NOL4: variants seen among roughly 807,000 people sequenced by gnomAD.
NOL4 encodes the protein cancer/testis antigen 125.
Under a neutral mutation model 75.9 loss-of-function variants are expected in NOL4, and 17 were observed. That is an observed-to-expected ratio of 0.22 (90% confidence interval 0.15 to 0.34). The LOEUF is 0.34. NOL4 is among the 10% of genes least tolerant of loss of function. The pLI, the probability that NOL4 is intolerant of heterozygous loss-of-function variation, is 1.00. For synonymous variants in NOL4, 292 were observed against 289.9 expected, an observed-to-expected ratio of 1.01 and a Z score of -0.07; for missense variants, 614 against 793.5, an observed-to-expected ratio of 0.77 and a Z score of 2.72.
intron 6 of NOL4, among the ~76,000 whole-genome samples, chr18:33,970,745 G>A (rs1430151592): frequency 6.6e-6 from 1 of 151,936 alleles, no homozygotes; most frequent in Non-Finnish European, 1.5e-5. Context: ...GTGTGTGTGT[G>A]TGTGTGTATG....
chr18:34,052,671 T>A (rs1215682170), intron 5 of NOL4, among the ~76,000 whole-genome samples: 1 of 152,058 alleles, frequency 6.6e-6, no homozygotes, highest in African/African-American at 2.4e-5. Flanking sequence ...TTCTAGAAGC[T>A]CATGGTCTAG....
intron 1 of NOL4, chr18:34,221,569 C>T (rs1191796733): frequency 1.4e-5 from 2 of 146,404 alleles, no homozygotes; most frequent in Admixed American, 6.8e-5. Context: ...TTTATAGGTC[C>T]AACTCTTAGA....
chr18:33,891,246 C>T (rs2065076068), intron 9 of NOL4, among the ~76,000 whole-genome samples: 1 of 151,996 alleles, frequency 6.6e-6, no homozygotes, highest in Non-Finnish European at 1.5e-5. Context: ...AAGCTGATGT[C>T]CATAGACCTG....
chr18:34,126,119 A>G (rs970470394), intron 2 of NOL4, among the ~76,000 whole-genome samples: 1 of 152,190 alleles, frequency 6.6e-6, no homozygotes, highest in African/African-American at 2.4e-5. Flanking sequence ...TCTACGTGAA[A>G]CATGAGTAGT....
At chr18:33,948,399 T>C (rs1234403191) in intron 8 of NOL4, among the ~76,000 whole-genome samples, 2 of 151,970 alleles carry the variant, frequency 1.3e-5, no homozygotes, top group Non-Finnish European at 2.9e-5. Context: ...CCTAAAGGCA[T>C]AATTGTCCAG....
intron 5 of NOL4, among the ~76,000 whole-genome samples, chr18:34,038,471 T>C (rs1032194153): frequency 6.6e-6 from 1 of 151,990 alleles, no homozygotes; most frequent in Non-Finnish European, 1.5e-5. Context: ...ATAGCAAAAA[T>C]ATGGAATCAG....
At chr18:34,000,351 A>C (rs1192971377) in intron 6 of NOL4, among the ~76,000 whole-genome samples, 1 of 149,388 alleles carries the variant, frequency 6.7e-6, no homozygotes, top group African/African-American at 2.6e-5. Context: ...ATTTCCTTGA[A>C]TGTTATACTA....
rs1261546835 is a variant in NOL4, at chr18:34,203,717, T to TCTCTCTCACA, written c.264+19272_264+19273insTGTGAGAGAG. Among the ~76,000 whole-genome samples, 619 of 72,254 alleles carry TCTCTCTCACA rather than the reference T, an allele frequency of 8.6e-3. 4 individuals carry two copies. The highest frequency in any genetic ancestry group is 0.028 in the Middle Eastern group (2 of 72). The allele number at this position is 72,254 out of a possible 152,430, so 47.4% of individuals were successfully genotyped here. The stretch of plus-strand genomic sequence containing the variant: ...CTCTCTCTCTCTCTCTCTCTCTCTC[T>TCTCTCTCACA]CACACACACACACACACACACACAC... On this transcript the variant is annotated intron_variant, in intron 1 of 10. Transcript: ENST00000261592.
intron 1 of NOL4, among the ~76,000 whole-genome samples, chr18:34,164,155 C>T (rs895467309): frequency 2.0e-5 from 3 of 152,112 alleles, no homozygotes; most frequent in Non-Finnish European, 4.4e-5. Flanking sequence ...AAAACCTAGG[C>T]ATTACCATTT....
At chr18:33,920,906 G>A (rs2066999335) in intron 9 of NOL4, among the ~76,000 whole-genome samples, 1 of 152,170 alleles carries the variant, frequency 6.6e-6, no homozygotes, top group Non-Finnish European at 1.5e-5. Context: ...GGACATCATT[G>A]GCGAAGAGGT....
intron 5 of NOL4, among the ~76,000 whole-genome samples, chr18:34,082,385 C>A (rs182759013): frequency 2.0e-5 from 3 of 152,158 alleles, no homozygotes; most frequent in Non-Finnish European, 2.9e-5. Flanking sequence ...AAAAAAGTGT[C>A]CACCTCAAAT....
At chr18:34,191,178 T>G (rs2034886496) in intron 1 of NOL4, among the ~76,000 whole-genome samples, 1 of 152,154 alleles carries the variant, frequency 6.6e-6, no homozygotes, top group Non-Finnish European at 1.5e-5. Context: ...TACTTGGTTG[T>G]ATCCCCACCC....
chr18:34,209,773 A>G (rs1165015845), intron 1 of NOL4, among the ~76,000 whole-genome samples: 5 of 152,244 alleles, frequency 3.3e-5, no homozygotes, highest in African/African-American at 1.2e-4. Flanking sequence ...TCTCTGGTCA[A>G]GGCAGTTAGA....
rs2037470413 is a variant in NOL4, at chr18:34,223,747, G to C, written c.-494C>G. Among the ~76,000 whole-genome samples the C allele has an allele frequency of 3.9e-5, 6 of 152,158 alleles. No homozygotes were observed. The highest frequency in any genetic ancestry group is 3.3e-4 in the Admixed American group (5 of 15,282). On this transcript the variant is annotated 5_prime_UTR_variant, in exon 1 of 11. Transcript: ENST00000261592. Reference sequence around the variant, plus strand: ...AAGCTTCCCCAGCCACTGGCCCCGTGGTCCAGGAGTGAGGGCTGCGCCTCT... The same window carrying C: ...AAGCTTCCCCAGCCACTGGCCCCGTCGTCCAGGAGTGAGGGCTGCGCCTCT...
chr18:34,019,373 T>C lies in NOL4; in HGVS notation c.1001A>G (p.Asn334Ser). Residue 334 changes from asparagine (N) to serine (S), a missense_variant, in exon 6 of 11, where the codon AAT becomes AGT. By Grantham distance (46) the Asn-to-Ser change is conservative (BLOSUM62 1). Transcript: ENST00000261592. The part of the protein sequence containing the change: ...HNSNGKNKYK[N>S]LLISDLKMER... ...CATCTTGAGGTCAGAAATTAGAAGA[T>C]TCTTATACTTGTTTTTCCCATTACT... 2.5e-6 allele frequency: 4 copies of C among 1,614,010 alleles called. No homozygotes were observed. Among genetic ancestry groups the C allele is most frequent in the South Asian group, 1.1e-5 (1 of 91,076 alleles).
chr18:34,176,948 A>G (rs2033605841), intron 1 of NOL4, among the ~76,000 whole-genome samples: 1 of 152,096 alleles, frequency 6.6e-6, no homozygotes. Context: ...AACTCATCAC[A>G]TAGAAGGGAT....
chr18:34,162,056 C>A (rs1032492611), intron 1 of NOL4, among the ~76,000 whole-genome samples: 79 of 152,102 alleles, frequency 5.2e-4, no homozygotes, highest in Non-Finnish European at 1.1e-3. Context: ...ATTATCCATA[C>A]CCTCAAGTGC....
intron 5 of NOL4, among the ~76,000 whole-genome samples, chr18:34,056,649 A>G (rs2078413383): frequency 6.6e-6 from 1 of 152,184 alleles, no homozygotes; most frequent in African/African-American, 2.4e-5. Context: ...GTAAAAGAAG[A>G]GCCCTTGTAT....
chr18:34,057,098 G>C (rs1410772737), intron 5 of NOL4, among the ~76,000 whole-genome samples: 1 of 152,080 alleles, frequency 6.6e-6, no homozygotes, highest in African/African-American at 2.4e-5. Context: ...CCCTCTTAAA[G>C]GCTTAGAAAC....
Sources: allele counts gnomAD v4.1 joint callset (sites outside exome capture counted in the v4.1 genomes callset), GRCh38; gene constraint gnomAD v4.1.1; transcripts MANE v1.5; gene names NCBI Gene and HGNC (gene_info 2026-07-23, HGNC 2026-07-21).